CHD1: variants seen among roughly 807,000 people sequenced by gnomAD.
The protein encoded by CHD1 is ATP-dependent chromatin remodeler CHD1.
A neutral mutation model predicts 224.2 loss-of-function variants in CHD1; 36 were observed. The observed-to-expected ratio is 0.16, with a 90% CI of 0.12 to 0.21. The LOEUF (loss-of-function observed/expected upper bound fraction) is 0.21, where lower values mean the gene tolerates loss of function less well. Ranked by LOEUF, CHD1 falls within the 10% of genes least tolerant of loss-of-function variation. The pLI, the probability that CHD1 is intolerant of heterozygous loss-of-function variation, is 1.00. For missense variants in CHD1, 1,378 were observed against 1,994.8 expected (o/e 0.69, Z 5.89); for synonymous variants, 668 against 658.3 (o/e 1.01, Z -0.23).
chr5:98,912,545 C>G (rs1752490354), intron 2 of CHD1, among the ~76,000 whole-genome samples: 1 of 152,040 alleles, frequency 6.6e-6, no homozygotes, highest in African/African-American at 2.4e-5. Context: ...GTGGCACATG[C>G]TCGTGTTCCC....
intron 2 of CHD1, among the ~76,000 whole-genome samples, chr5:98,918,584 A>G (rs1180062133): frequency 6.6e-6 from 1 of 150,854 alleles, no homozygotes; most frequent in Admixed American, 6.6e-5. Context: ...CCTGGCCAAC[A>G]TGGTGAAACC....
In CHD1 at chr5:98,893,582, C is replaced by T. The variant is rs2112477448; in HGVS notation, c.1825G>A (p.Ala609Thr). 1.2e-6 allele frequency: 2 copies of T among 1,602,046 alleles called. No homozygotes were observed. Among genetic ancestry groups the T allele is most frequent in the East Asian group, 2.3e-5 (1 of 44,068 alleles). Residue 609 changes from alanine (A) to threonine (T), a missense_variant, in exon 14 of 36, where the codon GCA (alanine) becomes ACA (threonine). Ala to Thr is a moderately conservative substitution (Grantham distance 58, BLOSUM62 0). Around this residue, in one of 16 missense-constraint regions of CHD1, gnomAD observed 18 missense variants for 16.1 expected, o/e 1.11. Coordinates refer to ENST00000614616, the MANE Select transcript of CHD1 (RefSeq NM_001270.4). ...TGTGCTTCATCAACACCTATAAATG[C>T]CCAATTTAGACCTCCAAGGAATGCC... The part of the protein sequence containing the change: ...DKAFLGGLNW[A>T]FIGVDEAHRL...
At chr5:98,902,875 T>C (rs1385965570) in intron 5 of CHD1, 25 bp downstream of exon 5, 3 of 1,428,490 alleles carry the variant, frequency 2.1e-6, no homozygotes, top group Non-Finnish European at 2.9e-6. Flanking sequence ...TAAAATGAAG[T>C]AGTCAGTTGA....
At chr5:98,858,091 T>G in intron 35 of CHD1, 89 bp downstream of exon 35, 1 of 963,720 alleles carries the variant, frequency 1.0e-6, no homozygotes. Context: ...GCATGAAGAT[T>G]GAATTGGCTG....
chr5:98,873,549 C>A (rs765966127), intron 26 of CHD1, 44 bp downstream of exon 26: 4 of 1,463,704 alleles, frequency 2.7e-6, no homozygotes, highest in Admixed American at 4.8e-5. Context: ...TATTTTGAAG[C>A]TTTCATTTAC....
At chr5:98,920,561 C>G (rs1753023793) in intron 2 of CHD1, among the ~76,000 whole-genome samples, 1 of 152,062 alleles carries the variant, frequency 6.6e-6, no homozygotes, top group Non-Finnish European at 1.5e-5. Context: ...CTCTGGGAGG[C>G]CAAGGTGGGT....
chr5:98,854,795 G>C lies in CHD1; in HGVS notation c.*1585C>G, dbSNP rs1487599576. ...CAGCTAATTAACAGTGACACACATA[G>C]CAATACTATAGAAATTATGTCCACA... On this transcript the variant is annotated 3_prime_UTR_variant, in exon 36 of 36. Transcript: ENST00000614616. 1 of 152,074 alleles carries C rather than the reference G, an allele frequency of 6.6e-6. No homozygotes were observed. 9.4% of individuals were successfully genotyped at this position (152,074 alleles called of 1,614,324 possible).
Position 98,896,319 on chromosome 5 carries a change from G to C in CHD1, c.1617C>G (p.Leu539=). ...CCCTTTGCCAGGAAGTAAGAGTGGAGAGCGGTACTACCAATAAAAAAGGTC... is the reference window on the plus strand; with the variant it reads ...CCCTTTGCCAGGAAGTAAGAGTGGACAGCGGTACTACCAATAAAAAAGGTC... ...LYGPFLLVVP[L]STLTSWQREI... The change falls in exon 12 of 36, where the codon CTC becomes CTG. Residue 539 remains leucine, a synonymous_variant. Coordinates refer to ENST00000614616, the MANE Select transcript of CHD1 (RefSeq NM_001270.4). 3.1e-6 allele frequency: 5 copies of C among 1,613,936 alleles called. No individual in the cohort carries two copies. The highest frequency in any genetic ancestry group is 4.2e-6 in the Non-Finnish European group (5 of 1,179,856).
At chr5:98,877,787 T>TA (rs1403111357) in intron 23 of CHD1, among the ~76,000 whole-genome samples, 1 of 151,938 alleles carries the variant, frequency 6.6e-6, no homozygotes, top group Non-Finnish European at 1.5e-5. Flanking sequence ...AAACAAGAAA[T>TA]AACATGCATG....
At chr5:98,875,905 C>G (rs1385083776) in intron 24 of CHD1, among the ~76,000 whole-genome samples, 5 of 152,092 alleles carry the variant, frequency 3.3e-5, no homozygotes, top group Admixed American at 3.3e-4. Flanking sequence ...TCTGAATGGA[C>G]ACTACAATAA....
intron 15 of CHD1, 80 bp downstream of exon 15, chr5:98,892,445 T>C (rs1377163447): frequency 5.1e-6 from 5 of 976,626 alleles, no homozygotes; most frequent in Non-Finnish European, 7.6e-6. Flanking sequence ...GTAGAGAAGG[T>C]GGGGGCACCA....
intron 14 of CHD1, 94 bp downstream of exon 14, chr5:98,893,322 G>T: frequency 2.7e-6 from 2 of 732,348 alleles, no homozygotes; most frequent in Non-Finnish European, 4.2e-6. Flanking sequence ...AATCTTTTAG[G>T]GCAATAAAAA....
chr5:98,869,191 T>C (rs1749128634), intron 30 of CHD1: 1 of 975,516 alleles, frequency 1.0e-6, no homozygotes, highest in Admixed American at 6.2e-5. Flanking sequence ...GTTCCTTCTT[T>C]ATATAAACAT....
chr5:98,858,054 C>G, intron 35 of CHD1, 126 bp downstream of exon 35: 2 of 683,204 alleles, frequency 2.9e-6, no homozygotes, highest in Non-Finnish European at 5.0e-6. Context: ...TATACAACAC[C>G]TTTATTTCAC....
At chr5:98,900,174 C>T (rs548737481) in intron 7 of CHD1, among the ~76,000 whole-genome samples, 2 of 150,616 alleles carry the variant, frequency 1.3e-5, no homozygotes, top group Admixed American at 1.3e-4. Flanking sequence ...CCCAGCTACT[C>T]GGGAGGCTGA....
In CHD1 at chr5:98,898,814, C is replaced by T. The variant is rs374738431; in HGVS notation, c.1086-50G>A. The T allele has an allele frequency of 1.3e-3, 1,301 of 982,990 alleles. 2 individuals carry two copies. The highest frequency in any genetic ancestry group is 1.8e-3 in the Admixed American group (105 of 56,858). The allele number at this position is 982,990 out of a possible 1,614,324, so 60.9% of individuals were successfully genotyped here. ...AGACTTAAAAATCTCCCATAAATAA[C>T]CTTTCACTCCCCCATCCCCAACACT... On this transcript the variant is annotated intron_variant, in intron 8 of 35. Transcript: ENST00000614616.
chr5:98,898,156 G>C (rs1580460519), intron 10 of CHD1, 100 bp downstream of exon 10: 2 of 591,998 alleles, frequency 3.4e-6, no homozygotes, highest in East Asian at 7.0e-5. Context: ...TTCTCCCTTA[G>C]TCTATCTGAA....
intron 22 of CHD1, among the ~76,000 whole-genome samples, chr5:98,879,986 G>C (rs1383900867): frequency 6.6e-6 from 1 of 152,136 alleles, no homozygotes. Context: ...ACAGAACTAA[G>C]AGCAGTTAAC....
intron 13 of CHD1, 37 bp downstream of exon 13, chr5:98,894,560 T>A: frequency 1.2e-6 from 1 of 810,130 alleles, no homozygotes. Flanking sequence ...AAAACTGATA[T>A]ACAAGAGACC....
Sources: gnomAD v4.1 joint callset for allele counts (sites outside exome capture counted in the v4.1 genomes callset) on GRCh38, gnomAD v4.1.1 for gene constraint, gnomAD v4.1.1 regional missense constraint, MANE v1.5 for transcripts, NCBI Gene and HGNC (gene_info 2026-07-23, HGNC 2026-07-21) for gene names.